CUL4A: variants seen among roughly 807,000 people sequenced by gnomAD.
The protein encoded by CUL4A is cullin-4A.
Under a neutral mutation model 95.5 loss-of-function variants are expected in CUL4A, and 16 were observed. The observed-to-expected ratio is 0.17, with a 90% CI of 0.11 to 0.25. The LOEUF (loss-of-function observed/expected upper bound fraction) is 0.25, where lower values mean the gene tolerates loss of function less well. Among genes scored for constraint, CUL4A ranks in the 10% least tolerant of loss-of-function variants. CUL4A has a pLI of 1.00. For missense variants in CUL4A, 610 were observed against 937.0 expected (o/e 0.65, Z 4.56); for synonymous variants, 380 against 353.1 (o/e 1.08, Z -0.85).
intron 2 of CUL4A, among the ~76,000 whole-genome samples, chr13:113,218,577 A>G (rs2040779724): frequency 6.6e-6 from 1 of 152,238 alleles, no homozygotes; most frequent in Admixed American, 6.5e-5. Flanking sequence ...CAGACTGAGG[A>G]ATCGGAGCAC....
At chr13:113,224,432 C>T (rs147205334) in intron 3 of CUL4A, among the ~76,000 whole-genome samples, 26 of 152,316 alleles carry the variant, frequency 1.7e-4, no homozygotes, top group African/African-American at 6.3e-4. Context: ...ATTTTCCTTC[C>T]CCTGGTTCAC....
intron 7 of CUL4A, 97 bp downstream of exon 7, chr13:113,234,083 A>G (rs915996825): frequency 2.9e-6 from 2 of 679,046 alleles, no homozygotes; most frequent in Non-Finnish European, 5.1e-6. Context: ...CACACATGCA[A>G]ATGTTTCATT....
At chr13:113,240,625 G>A (rs1460108718) in intron 10 of CUL4A, among the ~76,000 whole-genome samples, 1 of 152,152 alleles carries the variant, frequency 6.6e-6, no homozygotes, top group African/African-American at 2.4e-5. Flanking sequence ...GCCAATCACA[G>A]ATACTTAACG....
Position 113,265,242 on chromosome 13 carries a change from C to T in CUL4A, c.*1660C>T, listed in dbSNP as rs568024338. 5 of 152,302 alleles carry T rather than the reference C, an allele frequency of 3.3e-5. No homozygotes were observed. Among genetic ancestry groups the T allele is most frequent in the Non-Finnish European group, 5.9e-5 (4 of 68,046 alleles). 9.4% of individuals were successfully genotyped at this position (152,302 alleles called of 1,614,324 possible). On this transcript the variant is annotated 3_prime_UTR_variant, in exon 20 of 20. Transcript: ENST00000375440. ...GACAAGTGGGTCTTTTTTACTTGGA[C>T]GATTCGTTGTGCTGTGCCTTTGTTT... is the stretch of plus-strand genomic sequence containing the variant.
At chr13:113,215,390 C>T (rs1265745118) in intron 2 of CUL4A, among the ~76,000 whole-genome samples, 10 of 139,560 alleles carry the variant, frequency 7.2e-5, no homozygotes, top group Non-Finnish European at 1.5e-4. Flanking sequence ...CCGTGGAGGT[C>T]GCTGTGTGAC....
intron 5 of CUL4A, 73 bp downstream of exon 5, chr13:113,229,592 A>G (rs1427967887): frequency 4.9e-6 from 6 of 1,236,586 alleles, no homozygotes; most frequent in Non-Finnish European, 4.7e-6. Flanking sequence ...TGTCTTCCGC[A>G]GGCTAAGATG....
chr13:113,229,971 CTG>C (rs1346710974), intron 5 of CUL4A: 4 of 339,878 alleles, frequency 1.2e-5, no homozygotes, highest in African/African-American at 4.2e-5. Context: ...CTTTCGGGGA[CTG>C]TATACACCAG....
chr13:113,258,273 G>A (rs2042184288), intron 18 of CUL4A, among the ~76,000 whole-genome samples: 1 of 152,134 alleles, frequency 6.6e-6, no homozygotes, highest in Non-Finnish European at 1.5e-5. Flanking sequence ...TTACAGCCGT[G>A]AGCCACCGTG....
chr13:113,229,945 A>C, intron 5 of CUL4A: 1 of 393,994 alleles, frequency 2.5e-6, no homozygotes, highest in Non-Finnish European at 4.5e-6. Context: ...AGCACATAGC[A>C]CTCATCGTCC....
chr13:113,236,769 C>A (rs899570540), intron 8 of CUL4A, 54 bp from the exon 9 acceptor site: 3 of 1,203,774 alleles, frequency 2.5e-6, no homozygotes, highest in Non-Finnish European at 3.6e-6. Context: ...TTGCAGAGAA[C>A]CAGTCTCTTC....
At chr13:113,212,315 A>G (rs908729967) in intron 2 of CUL4A, among the ~76,000 whole-genome samples, 13 of 152,326 alleles carry the variant, frequency 8.5e-5, no homozygotes, top group African/African-American at 2.6e-4. Flanking sequence ...TTCAAGTCAC[A>G]TGTATCAGTT....
In CUL4A at chr13:113,266,877, CTAT is replaced by C. The variant is rs1216713775; in HGVS notation, c.*3300_*3302del. On this transcript the variant is annotated 3_prime_UTR_variant, in exon 20 of 20. Coordinates refer to ENST00000375440, the MANE Select transcript of CUL4A (RefSeq NM_001008895.4). ...ATAAGATACTTTTTTTGTAAATTGA[CTAT>C]TATTGTATAAATTTATAGAGTATAA... 30 of 152,142 alleles carry C rather than the reference CTAT, an allele frequency of 2.0e-4. No individual in the cohort carries two copies. Among genetic ancestry groups the C allele is most frequent in the Admixed American group, 4.6e-4 (7 of 15,274 alleles). 9.4% of individuals were successfully genotyped at this position (152,142 alleles called of 1,614,324 possible). A position where few individuals can be genotyped will look rare whatever the true frequency, so the allele number is the denominator to read the frequency against.
intron 12 of CUL4A, 58 bp from the exon 13 acceptor site, chr13:113,244,891 T>A: frequency 8.6e-7 from 1 of 1,161,138 alleles, no homozygotes; most frequent in Non-Finnish European, 1.3e-6. Context: ...AGTTTGAAGT[T>A]TAACATTTGC....
chr13:113,241,353 A>G (rs2041703812), intron 10 of CUL4A, among the ~76,000 whole-genome samples: 1 of 152,172 alleles, frequency 6.6e-6, no homozygotes, highest in Admixed American at 6.5e-5. Flanking sequence ...TCAACTCCAC[A>G]TGCCGTTATC....
In CUL4A at chr13:113,235,170, G is replaced by A. The variant is rs142054293; in HGVS notation, c.848+25G>A. 2.8e-4 allele frequency: 417 copies of A among 1,508,866 alleles called. 1 individual carries two copies. In the African/African-American group the frequency reaches 3.4e-3, roughly 12 times the overall value. 93.5% of individuals were successfully genotyped at this position (1,508,866 alleles called of 1,614,324 possible). A position where few individuals can be genotyped will look rare whatever the true frequency, so the allele number is the denominator to read the frequency against. ...AGTAAGTACCGTTTGCTCGCTGAGC[G>A]TTCGTATCTTCACCATGGCTGGAAG... On this transcript the variant is annotated intron_variant, in intron 8 of 19. Transcript: ENST00000375440.
At chr13:113,227,328 C>T (rs983941022) in intron 3 of CUL4A, among the ~76,000 whole-genome samples, 7 of 152,130 alleles carry the variant, frequency 4.6e-5, no homozygotes, top group Non-Finnish European at 1.0e-4. Context: ...GGCCCCGCTT[C>T]CTGGTCCATA....
chr13:113,256,924 TCG>T (rs372897740), intron 18 of CUL4A, among the ~76,000 whole-genome samples: 520 of 107,882 alleles, frequency 4.8e-3, no homozygotes, highest in Non-Finnish European at 6.5e-3. Flanking sequence ...TTTTTTTTTT[TCG>T]TTTTTTTTTT....
chr13:113,256,485 T>G (rs2139289995), intron 18 of CUL4A, among the ~76,000 whole-genome samples: 1 of 152,310 alleles, frequency 6.6e-6, no homozygotes, highest in East Asian at 1.9e-4. Flanking sequence ...CTTTTCCAAG[T>G]TGAAGTCTGG....
chr13:113,245,882 C>A, intron 14 of CUL4A, 74 bp from the exon 15 acceptor site: 2 of 1,062,820 alleles, frequency 1.9e-6, no homozygotes, highest in Non-Finnish European at 2.8e-6. Context: ...GAAAATTACA[C>A]GGTTTATTTT....
Sources: allele counts gnomAD v4.1 joint callset (sites outside exome capture counted in the v4.1 genomes callset), GRCh38; gene constraint gnomAD v4.1.1; transcripts MANE v1.5; gene names NCBI Gene and HGNC (gene_info 2026-07-23, HGNC 2026-07-21).